The following PAPSS2 variants were observed in gnomAD, a reference collection of about 807,000 sequenced individuals.
PAPSS2 encodes the protein bifunctional 3'-phosphoadenosine 5'-phosphosulfate synthase 2.
PAPSS2 carries 61 observed loss-of-function variants against 66.5 expected under a neutral mutation model. The ratio of observed to expected loss-of-function variants is 0.92; its 90% CI spans 0.75 to 1.14. The LOEUF is 1.14. Ranked by LOEUF, PAPSS2 falls within the 50% of genes most tolerant of loss-of-function variation. PAPSS2 has a pLI of 0.00. For synonymous variants in PAPSS2, 289 were observed against 287.5 expected, an observed-to-expected ratio of 1.01 and a Z score of -0.05; for missense variants, 708 against 789.6, an observed-to-expected ratio of 0.90 and a Z score of 1.24.
intron 9 of PAPSS2, among the ~76,000 whole-genome samples, chr10:87,729,454 C>T (rs778159581): frequency 7.2e-5 from 11 of 152,048 alleles, no homozygotes; most frequent in Non-Finnish European, 1.6e-4. Context: ...TGGGACACCA[C>T]GAATTGCACC....
intron 1 of PAPSS2, among the ~76,000 whole-genome samples, chr10:87,686,672 T>C (rs1369133251): frequency 1.3e-5 from 2 of 152,230 alleles, no homozygotes; most frequent in Admixed American, 1.3e-4. Context: ...GGTTGTCGAC[T>C]CATGAGACGA....
chr10:87,723,710 T>C (rs1316475593), intron 8 of PAPSS2, among the ~76,000 whole-genome samples: 1 of 152,184 alleles, frequency 6.6e-6, no homozygotes, highest in Non-Finnish European at 1.5e-5. Flanking sequence ...CTTTAGGTTC[T>C]AGTAACCTTT....
chr10:87,727,577 T>G, intron 9 of PAPSS2, 88 bp downstream of exon 9: 1 of 1,120,882 alleles, frequency 8.9e-7, no homozygotes, highest in South Asian at 1.3e-5. Context: ...GCAAAGGACT[T>G]AGAAAAACTG....
rs773039134 is a variant in PAPSS2 at position 87,713,313 on chromosome 10, A to T, written c.381+3A>T. 123 of 325,550 alleles carry T rather than the reference A, an allele frequency of 3.8e-4. No homozygotes were observed. Among genetic ancestry groups the T allele is most frequent in the Middle Eastern group, 9.7e-4 (1 of 1,028 alleles). 20.2% of individuals were successfully genotyped at this position (325,550 alleles called of 1,614,324 possible). ...GCTTTATTTCTCCATTCGCAAAGGTAAAAAAAAAAAAAAAAAAAAAAGGCA... is the reference window on the plus strand; with the variant it reads ...GCTTTATTTCTCCATTCGCAAAGGTTAAAAAAAAAAAAAAAAAAAAAGGCA... On this transcript the variant is annotated splice_donor_region_variant and intron_variant, in intron 3 of 12. Coordinates refer to ENST00000456849, the MANE Select transcript of PAPSS2 (RefSeq NM_001015880.2).
At chr10:87,743,695 T>A in intron 11 of PAPSS2, 54 bp downstream of exon 11, 1 of 1,599,650 alleles carries the variant, frequency 6.3e-7, no homozygotes, top group Admixed American at 1.7e-5. Context: ...ACTCAGACTT[T>A]ACATAGAAGA....
At chr10:87,660,331 C>T in intron 1 of PAPSS2, 1 of 522,902 alleles carries the variant, frequency 1.9e-6, no homozygotes, top group Non-Finnish European at 3.4e-6. Flanking sequence ...CCCTTTCTTT[C>T]CCAAGAGCTC....
intron 2 of PAPSS2, among the ~76,000 whole-genome samples, chr10:87,709,970 T>A (rs1853444376): frequency 6.6e-6 from 1 of 152,188 alleles, no homozygotes; most frequent in African/African-American, 2.4e-5. Context: ...GAACTGGAAT[T>A]AGAACCTGAC....
chr10:87,729,757 G>T (rs1447164912), intron 9 of PAPSS2, among the ~76,000 whole-genome samples: 1 of 152,146 alleles, frequency 6.6e-6, no homozygotes, highest in African/African-American at 2.4e-5. Context: ...AGCACTTTGG[G>T]AGGCCAGGGT....
At chr10:87,690,577 G>A (rs925924309) in intron 1 of PAPSS2, among the ~76,000 whole-genome samples, 1 of 152,116 alleles carries the variant, frequency 6.6e-6, no homozygotes, top group Non-Finnish European at 1.5e-5. Flanking sequence ...GAAGAATATA[G>A]CATGAGCTAG....
intron 1 of PAPSS2, among the ~76,000 whole-genome samples, chr10:87,705,262 C>T (rs1384630753): frequency 6.6e-6 from 1 of 152,126 alleles, no homozygotes; most frequent in African/African-American, 2.4e-5. Context: ...ATTAATAGTC[C>T]ATTCCTTTTG....
At chr10:87,714,593 A>G in intron 4 of PAPSS2, 152 bp from the exon 5 acceptor site, 1 of 664,308 alleles carries the variant, frequency 1.5e-6, no homozygotes, top group Non-Finnish European at 2.7e-6. Flanking sequence ...TTTCTTACTT[A>G]TGGCTAGAAG....
intron 1 of PAPSS2, among the ~76,000 whole-genome samples, chr10:87,686,341 CA>C (rs1211559805): frequency 0.091 from 5,270 of 58,182 alleles, 191 homozygotes; most frequent in African/African-American, 0.21. Context: ...GGCAACTTTC[CA>C]AAAAAAAAAA....
rs750617465 is a variant in PAPSS2, at chr10:87,745,031, T to C, written c.1521T>C (p.Ile507=). Residue 507 remains isoleucine (I), a synonymous_variant, in exon 12 of 13, where the codon ATT becomes ATC. Transcript: ENST00000456849. ...EVQWHCRSRM[I]AGANFYIVGR... is the part of the protein sequence containing the mutation. ...AGTGGCACTGCAGGTCCCGGATGAT[T>C]GCGGGTGCCAATTTCTACATTGTGG... 6 of 1,614,016 alleles carry C rather than the reference T, an allele frequency of 3.7e-6. No homozygotes were observed. In the African/African-American group the frequency reaches 8.0e-5, roughly 22 times the overall value.
At chr10:87,736,624 G>T (rs547363003) in intron 9 of PAPSS2, among the ~76,000 whole-genome samples, 2 of 152,162 alleles carry the variant, frequency 1.3e-5, no homozygotes, top group East Asian at 3.9e-4. Context: ...CCTAACATTT[G>T]TGGGGCCCAG....
intron 1 of PAPSS2, among the ~76,000 whole-genome samples, chr10:87,670,556 T>C (rs985261178): frequency 2.0e-5 from 3 of 148,596 alleles, no homozygotes; most frequent in African/African-American, 7.5e-5. Flanking sequence ...TCTCAGGAGA[T>C]GATTGCATAA....
chr10:87,669,448 C>T (rs1276886446), intron 1 of PAPSS2, among the ~76,000 whole-genome samples: 1 of 152,176 alleles, frequency 6.6e-6, no homozygotes, highest in African/African-American at 2.4e-5. Flanking sequence ...AATTATGGCT[C>T]TTGGGCCATT....
chr10:87,734,508 G>A (rs1853768737), intron 9 of PAPSS2, among the ~76,000 whole-genome samples: 1 of 151,492 alleles, frequency 6.6e-6, no homozygotes, highest in Non-Finnish European at 1.5e-5. Context: ...TCTTGGCTTT[G>A]GTAAGAAAGC....
At chr10:87,682,110 T>G (rs1853028590) in intron 1 of PAPSS2, among the ~76,000 whole-genome samples, 1 of 152,120 alleles carries the variant, frequency 6.6e-6, no homozygotes, top group Admixed American at 6.5e-5. Flanking sequence ...TTTGAGTGAT[T>G]GAAAAAATAG....
intron 1 of PAPSS2, among the ~76,000 whole-genome samples, chr10:87,672,341 G>A (rs1416396608): frequency 6.6e-6 from 1 of 152,168 alleles, no homozygotes; most frequent in East Asian, 1.9e-4. Context: ...TTTTCATTGG[G>A]AGAACTAGTG....
Sources: gnomAD v4.1 joint callset for allele counts (sites outside exome capture counted in the v4.1 genomes callset) on GRCh38, gnomAD v4.1.1 for gene constraint, MANE v1.5 for transcripts, NCBI Gene and HGNC (gene_info 2026-07-23, HGNC 2026-07-21) for gene names.